AKTIP: variants seen among roughly 807,000 people sequenced by gnomAD.
AKTIP encodes AKT interacting protein, also known as AKT-interacting protein.
A neutral mutation model predicts 39.1 loss-of-function variants in AKTIP; 16 were observed. The observed-to-expected ratio is 0.41, with a 90% CI of 0.28 to 0.62. The LOEUF is 0.62. Ranked by LOEUF, AKTIP falls within the 20% of genes least tolerant of loss-of-function variation. The probability of loss-of-function intolerance (pLI) is 0.32; values close to 1 mark genes in which losing one functional copy is unlikely to be tolerated. For synonymous variants in AKTIP, 93 were observed against 124.3 expected, an observed-to-expected ratio of 0.75 and a Z score of 1.67; for missense variants, 262 against 356.6, an observed-to-expected ratio of 0.73 and a Z score of 2.14.
intron 2 of AKTIP, 112 bp downstream of exon 2, chr16:53,500,106 T>C (rs1962078450): frequency 2.7e-6 from 2 of 746,386 alleles, no homozygotes; most frequent in Admixed American, 5.7e-5. Context: ...AACCAGGTAA[T>C]TTTGTCAAGA....
At chr16:53,495,435 A>C in intron 3 of AKTIP, 109 bp from the exon 4 acceptor site, 4 of 999,488 alleles carry the variant, frequency 4.0e-6, no homozygotes, top group South Asian at 1.4e-5. Flanking sequence ...TGGGCAGCTG[A>C]TGCCCAAACC....
intron 1 of AKTIP, among the ~76,000 whole-genome samples, chr16:53,502,013 C>T (rs961414291): frequency 6.6e-6 from 1 of 152,328 alleles, no homozygotes; most frequent in Non-Finnish European, 1.5e-5. Flanking sequence ...ACACCTAACA[C>T]GGGACCGGAT....
Position 53,495,416 on chromosome 16 carries a change from GC to G in AKTIP, c.249-91del. 4.9e-6 allele frequency: 6 copies of G among 1,228,048 alleles called. No individual in the cohort carries two copies. In the South Asian group the frequency reaches 7.6e-5, roughly 16 times the overall value. 76.1% of individuals were successfully genotyped at this position (1,228,048 alleles called of 1,614,324 possible). A position where few individuals can be genotyped will look rare whatever the true frequency, so the allele number is the denominator to read the frequency against. On this transcript the variant is annotated intron_variant, in intron 3 of 9. Transcript: ENST00000394657. ...CACATTCACTTTGAGACAATGAACG[GC>G]CCCTCAATGGGCAGCTGATGCCCAA...
upstream of AKTIP, among the ~76,000 whole-genome samples, chr16:53,503,574 C>A (rs1962318175): frequency 6.6e-6 from 1 of 152,234 alleles, no homozygotes; most frequent in Admixed American, 6.5e-5. Context: ...GCCAGGGCGT[C>A]TGCCAGTCAC....
At chr16:53,501,143 A>G (rs1294015193) in intron 1 of AKTIP, 4 of 152,232 alleles carry the variant, frequency 2.6e-5, no homozygotes, top group African/African-American at 9.7e-5. Flanking sequence ...AGTATTAGCC[A>G]AAGAAATAAG....
upstream of AKTIP, among the ~76,000 whole-genome samples, chr16:53,504,036 C>G (rs1256397185): frequency 6.6e-6 from 1 of 150,668 alleles, no homozygotes; most frequent in Non-Finnish European, 1.5e-5. Context: ...GCTGCTGATT[C>G]TGGCGCACAC....
intron 1 of AKTIP, among the ~76,000 whole-genome samples, chr16:53,500,944 C>T (rs760039971): frequency 2.0e-5 from 3 of 152,150 alleles, no homozygotes; most frequent in Non-Finnish European, 4.4e-5. Flanking sequence ...TCAGAAGATA[C>T]GGACAACAGT....
intron 8 of AKTIP, 44 bp from the exon 9 acceptor site, chr16:53,492,797 T>C (rs1376095045): frequency 6.4e-7 from 1 of 1,558,726 alleles, no homozygotes; most frequent in Non-Finnish European, 8.8e-7. Context: ...GTTGGCTCAC[T>C]AAATTTCTAT....
chr16:53,494,660 G>C, intron 5 of AKTIP, 55 bp from the exon 6 acceptor site: 1 of 1,517,696 alleles, frequency 6.6e-7, no homozygotes, highest in Non-Finnish European at 9.1e-7. Context: ...GCGCTTATGA[G>C]ACCCATAGGA....
chr16:53,499,449 GTTTTT>G (rs56138099), intron 2 of AKTIP, among the ~76,000 whole-genome samples: 1 of 130,706 alleles, frequency 7.7e-6, no homozygotes, highest in Non-Finnish European at 1.6e-5. Flanking sequence ...TGAGATTATA[GTTTTT>G]TTTTTTTTTT....
At chr16:53,500,775 G>C (rs1407392058) in intron 1 of AKTIP, among the ~76,000 whole-genome samples, 1 of 152,140 alleles carries the variant, frequency 6.6e-6, no homozygotes, top group African/African-American at 2.4e-5. Context: ...CCTAGGAAAA[G>C]GTCTTCAGGC....
At chr16:53,500,398 G>C in intron 1 of AKTIP, 69 bp from the exon 2 acceptor site, 1 of 944,266 alleles carries the variant, frequency 1.1e-6, no homozygotes, top group Non-Finnish European at 1.5e-6. Flanking sequence ...TTTTTTTTAA[G>C]ATGGAGTCTC....
At chr16:53,494,287 A>T (rs756896209) in intron 7 of AKTIP, 42 bp from the exon 8 acceptor site, 43 of 1,609,834 alleles carry the variant, frequency 2.7e-5, no homozygotes, top group Non-Finnish European at 3.5e-5. Flanking sequence ...AACTTAATCT[A>T]CTTAGCTGCA....
Position 53,492,309 on chromosome 16 carries a change from T to C in AKTIP, c.*103A>G, listed in dbSNP as rs941265034. On this transcript the variant is annotated 3_prime_UTR_variant, in exon 10 of 10. Transcript: ENST00000394657. ...ATGGAAAACACTGGCAGTCAGTCAT[T>C]GTTCACACAGTTTTACTCTTCAGGC... 2 of 997,250 alleles carry C rather than the reference T, an allele frequency of 2.0e-6. No homozygotes were observed. Among genetic ancestry groups the C allele is most frequent in the African/African-American group, 1.6e-5 (1 of 61,820 alleles). 61.8% of individuals were successfully genotyped at this position (997,250 alleles called of 1,614,324 possible).
At chr16:53,499,359 A>C (rs1288876416) in intron 2 of AKTIP, among the ~76,000 whole-genome samples, 1 of 152,144 alleles carries the variant, frequency 6.6e-6, no homozygotes, top group African/African-American at 2.4e-5. Flanking sequence ...CTAAACTTGT[A>C]CCCCATTACT....
rs772937741 is a variant in AKTIP at position 53,498,444 on chromosome 16, G to A, written c.195C>T (p.Gly65=). The part of the protein sequence containing the change: ...SPAPAAQSTN[G]THASYGPFYL... ...AGAAGGGTCCATAGGACGCATGCGT[G>A]CCATTTGTTGACTGTGCTGCTGGGG... is the stretch of plus-strand genomic sequence containing the variant. The change falls in exon 3 of 10, where the codon GGC becomes GGT. Residue 65 remains glycine (G), a synonymous_variant. Transcript: ENST00000394657. 7 of 1,614,016 alleles carry A rather than the reference G, an allele frequency of 4.3e-6. No individual in the cohort carries two copies. Among genetic ancestry groups the A allele is most frequent in the Middle Eastern group, 1.7e-4 (1 of 6,056 alleles).
At chr16:53,500,006 C>T (rs572322113) in intron 2 of AKTIP, among the ~76,000 whole-genome samples, 4 of 152,200 alleles carry the variant, frequency 2.6e-5, no homozygotes, top group South Asian at 4.1e-4. Flanking sequence ...ATGACCAGAA[C>T]GATTTCTATT....
chr16:53,494,961 G>T, intron 5 of AKTIP, 112 bp downstream of exon 5: 1 of 976,950 alleles, frequency 1.0e-6, no homozygotes, highest in Non-Finnish European at 1.6e-6. Flanking sequence ...GACAACTACT[G>T]GGTAGATAAA....
chr16:53,492,613 T>G, intron 9 of AKTIP, 80 bp downstream of exon 9: 1 of 1,598,006 alleles, frequency 6.3e-7, no homozygotes, highest in Non-Finnish European at 8.6e-7. Flanking sequence ...GTTACTTGTA[T>G]GTAATGAGCA....
Sources: gnomAD v4.1 joint callset for allele counts (sites outside exome capture counted in the v4.1 genomes callset) on GRCh38, gnomAD v4.1.1 for gene constraint, MANE v1.5 for transcripts, NCBI Gene and HGNC (gene_info 2026-07-23, HGNC 2026-07-21) for gene names.